DPP6: variants seen among roughly 807,000 people sequenced by gnomAD.
DPP6 encodes dipeptidyl peptidase like 6.
In DPP6, 69 loss-of-function variants were observed where a neutral mutation model predicts 122.6. The ratio of observed to expected loss-of-function variants is 0.56; its 90% CI spans 0.46 to 0.69. The LOEUF (loss-of-function observed/expected upper bound fraction) is 0.69, where lower values mean the gene tolerates loss of function less well. Ranked by LOEUF, DPP6 falls within the 30% of genes least tolerant of loss-of-function variation. DPP6 has a pLI of 0.00. For missense variants in DPP6, 928 were observed against 1,116.9 expected (o/e 0.83, Z 2.41); for synonymous variants, 418 against 433.1 (o/e 0.97, Z 0.43).
intron 6 of DPP6, among the ~76,000 whole-genome samples, chr7:154,649,534 C>T (rs1836730924): frequency 6.6e-6 from 1 of 152,140 alleles, no homozygotes; most frequent in Non-Finnish European, 1.5e-5. Context: ...CTTTTTTGAC[C>T]CCCTGCCCTC....
the DPP6 span, among the ~76,000 whole-genome samples, chr7:153,781,870 G>A: frequency 5.3e-5 from 8 of 151,834 alleles, no homozygotes; most frequent in South Asian, 1.0e-3. Flanking sequence ...TTTATGAGAT[G>A]TTGTTACTGT....
In DPP6 at chr7:154,893,254, G is replaced by C; in HGVS notation, c.*774G>C. 3.8e-6 allele frequency: 1 copy of C among 263,726 alleles called. No individual in the cohort carries two copies. The highest frequency in any genetic ancestry group is 7.5e-6 in the Non-Finnish European group (1 of 133,172). 16.3% of individuals were successfully genotyped at this position (263,726 alleles called of 1,614,324 possible). ...TCCCTCCTCAAGGTTGTCTTCAGACGTCTTGGGGACGTTCCTAAACACTGA... is the reference window on the plus strand; with the variant it reads ...TCCCTCCTCAAGGTTGTCTTCAGACCTCTTGGGGACGTTCCTAAACACTGA... On this transcript the variant is annotated 3_prime_UTR_variant, in exon 26 of 26. Coordinates refer to ENST00000377770, the MANE Select transcript of DPP6 (RefSeq NM_130797.4).
chr7:154,189,724 A>G (rs1798522387), intron 1 of DPP6, among the ~76,000 whole-genome samples: 1 of 152,208 alleles, frequency 6.6e-6, no homozygotes, highest in African/African-American at 2.4e-5. Flanking sequence ...CAGCGAGGCT[A>G]TCTTTGTATT....
intron 1 of DPP6, among the ~76,000 whole-genome samples, chr7:154,044,886 G>A (rs1485202167): frequency 6.8e-6 from 1 of 146,240 alleles, no homozygotes; most frequent in Non-Finnish European, 1.5e-5. Flanking sequence ...TATGAAATCA[G>A]TGTTTGAAAG....
chr7:154,231,925 C>T (rs749257598), intron 1 of DPP6, among the ~76,000 whole-genome samples: 1 of 152,172 alleles, frequency 6.6e-6, no homozygotes, highest in Non-Finnish European at 1.5e-5. Context: ...ACTCTACCAG[C>T]CAGGGAGGAA....
At chr7:154,768,923 G>A (rs1162094462) in intron 8 of DPP6, among the ~76,000 whole-genome samples, 2 of 152,234 alleles carry the variant, frequency 1.3e-5, no homozygotes, top group African/African-American at 4.8e-5. Context: ...AGGGAGCTCT[G>A]TGTGTGCGTA....
At chr7:153,818,032 T>C in the DPP6 span, among the ~76,000 whole-genome samples, 1 of 151,794 alleles carries the variant, frequency 6.6e-6, no homozygotes, top group African/African-American at 2.4e-5. Flanking sequence ...AGTTTGTCCA[T>C]CCAGAATACC....
chr7:154,014,260 T>G (rs569801007), intron 1 of DPP6, among the ~76,000 whole-genome samples: 1,694 of 145,832 alleles, frequency 0.012, 71 homozygotes, highest in African/African-American at 0.042. Flanking sequence ...AGTAAATGCC[T>G]CCCCACCTCC....
chr7:153,800,277 C>T, the DPP6 span, among the ~76,000 whole-genome samples: 1 of 152,114 alleles, frequency 6.6e-6, no homozygotes, highest in Admixed American at 6.5e-5. Flanking sequence ...TCCAGAAACA[C>T]ACATGGAACT....
At chr7:154,515,708 A>T (rs1486531831) in intron 3 of DPP6, among the ~76,000 whole-genome samples, 1 of 152,112 alleles carries the variant, frequency 6.6e-6, no homozygotes, top group Non-Finnish European at 1.5e-5. Context: ...CGAAATCCTG[A>T]CCTGATCCGC....
intron 1 of DPP6, among the ~76,000 whole-genome samples, chr7:153,926,356 T>C (rs2129011082): frequency 6.6e-6 from 1 of 152,298 alleles, no homozygotes; most frequent in South Asian, 2.1e-4. Context: ...AGAAAACAAT[T>C]TTGAAGCCTA....
the DPP6 span, among the ~76,000 whole-genome samples, chr7:153,759,175 G>A: frequency 6.6e-6 from 1 of 151,892 alleles, no homozygotes; most frequent in South Asian, 2.1e-4. Context: ...ATATCCTCTT[G>A]GCTAAAGGGT....
At chr7:154,623,610 C>T (rs865787038) in intron 5 of DPP6, among the ~76,000 whole-genome samples, 10 of 148,370 alleles carry the variant, frequency 6.7e-5, no homozygotes, top group African/African-American at 2.0e-4. Flanking sequence ...CTGACACACA[C>T]GCACGTACAC....
intron 16 of DPP6, among the ~76,000 whole-genome samples, chr7:154,810,729 G>C (rs190109284): frequency 5.7e-4 from 86 of 151,872 alleles, no homozygotes; most frequent in Non-Finnish European, 1.1e-3. Context: ...CCCAGGTACA[G>C]CCACACTGGG....
At chr7:154,461,356 G>C (rs1452936281) in intron 2 of DPP6, among the ~76,000 whole-genome samples, 1 of 152,168 alleles carries the variant, frequency 6.6e-6, no homozygotes, top group Non-Finnish European at 1.5e-5. Context: ...TTGATACACT[G>C]ATTTCCTTTC....
chr7:154,302,294 G>A (rs1397401165), intron 1 of DPP6, among the ~76,000 whole-genome samples: 1 of 152,174 alleles, frequency 6.6e-6, no homozygotes, highest in Non-Finnish European at 1.5e-5. Flanking sequence ...GTTCTTCTGT[G>A]CCTGGCTCAT....
chr7:153,779,904 G>T, the DPP6 span, among the ~76,000 whole-genome samples: 1 of 151,618 alleles, frequency 6.6e-6, no homozygotes, highest in Non-Finnish European at 1.5e-5. Context: ...GATGTCAATG[G>T]TAGAGAAGAT....
chr7:154,722,738 G>A (rs113350435), intron 7 of DPP6, among the ~76,000 whole-genome samples: 2 of 152,116 alleles, frequency 1.3e-5, no homozygotes, highest in East Asian at 1.9e-4. Context: ...AAGGCCACAC[G>A]TAGGGAGGCT....
intron 3 of DPP6, among the ~76,000 whole-genome samples, chr7:154,495,397 T>TG (rs202236894): frequency 2.0e-5 from 3 of 151,690 alleles, no homozygotes; most frequent in South Asian, 2.1e-4. Flanking sequence ...TGGTTTTTTT[T>TG]TTTTTGTTGT....
Sources: allele counts gnomAD v4.1 joint callset (sites outside exome capture counted in the v4.1 genomes callset), GRCh38; gene constraint gnomAD v4.1.1; transcripts MANE v1.5; gene names NCBI Gene and HGNC (gene_info 2026-07-23, HGNC 2026-07-21).